NELL1: variants seen among roughly 807,000 people sequenced by gnomAD.
NELL1 encodes the protein protein kinase C-binding protein NELL1.
NELL1 carries 76 observed loss-of-function variants against 107.4 expected under a neutral mutation model. That is an observed-to-expected ratio of 0.71 (90% confidence interval 0.59 to 0.86). The LOEUF (loss-of-function observed/expected upper bound fraction) is 0.86. Among genes scored for constraint, NELL1 ranks in the 40% least tolerant of loss-of-function variants. The pLI is 0.00. For missense variants in NELL1, 1,024 were observed against 1,005.5 expected (o/e 1.02, Z -0.25); for synonymous variants, 353 against 341.2 (o/e 1.03, Z -0.38).
intron 2 of NELL1, among the ~76,000 whole-genome samples, chr11:20,683,880 A>G (rs1036412702): frequency 6.6e-6 from 1 of 151,988 alleles, no homozygotes; most frequent in Admixed American, 6.6e-5. Context: ...TGCTTTTAAG[A>G]CTTTCTCTTT....
chr11:21,023,833 CAT>C (rs937186017), intron 12 of NELL1, among the ~76,000 whole-genome samples: 1 of 152,076 alleles, frequency 6.6e-6, no homozygotes, highest in African/African-American at 2.4e-5. Flanking sequence ...AAAACAAATG[CAT>C]ATGTCTTTTG....
chr11:20,767,676 C>T lies in NELL1; in HGVS notation c.185-16004C>T, dbSNP rs143458748. Among the ~76,000 whole-genome samples the T allele has an allele frequency of 4.3e-4, 65 of 152,320 alleles. No individual in the cohort carries two copies. The Middle Eastern group carries it at 0.01, about 24-fold the overall frequency. ...TGACAGACACCCTGTCCTTGAGGGG[C>T]TATTGGCCTAGGTACAGTGAAGAGG... On this transcript the variant is annotated intron_variant, in intron 2 of 19. Transcript: ENST00000357134.
intron 14 of NELL1, among the ~76,000 whole-genome samples, chr11:21,319,975 T>C (rs191967783): frequency 6.6e-6 from 1 of 151,928 alleles, no homozygotes; most frequent in African/African-American, 2.4e-5. Flanking sequence ...TATAGGAGAG[T>C]ATGAAGGCTG....
intron 12 of NELL1, among the ~76,000 whole-genome samples, chr11:21,067,902 A>G (rs1411881719): frequency 6.6e-6 from 1 of 151,672 alleles, no homozygotes; most frequent in Non-Finnish European, 1.5e-5. Flanking sequence ...GTGTGGTGGC[A>G]CACACCTGCA....
At chr11:21,293,117 A>G (rs1471711425) in intron 14 of NELL1, among the ~76,000 whole-genome samples, 1 of 152,186 alleles carries the variant, frequency 6.6e-6, no homozygotes, top group Non-Finnish European at 1.5e-5. Context: ...CAGCATAAGA[A>G]ACTATCATCG....
intron 13 of NELL1, among the ~76,000 whole-genome samples, chr11:21,124,143 TAGAA>T (rs1855434673): frequency 6.6e-6 from 1 of 152,144 alleles, no homozygotes; most frequent in African/African-American, 2.4e-5. Context: ...AAATTTTCTG[TAGAA>T]AGAAATATAA....
At chr11:21,222,020 T>C (rs1857769497) in intron 13 of NELL1, among the ~76,000 whole-genome samples, 1 of 152,090 alleles carries the variant, frequency 6.6e-6, no homozygotes, top group African/African-American at 2.4e-5. Flanking sequence ...TATATTTCTG[T>C]AGTATTAGTT....
At chr11:20,750,755 T>G (rs977484725) in intron 2 of NELL1, among the ~76,000 whole-genome samples, 1 of 151,852 alleles carries the variant, frequency 6.6e-6, no homozygotes, top group African/African-American at 2.4e-5. Context: ...CCTGGCTAAT[T>G]TTTTGTATTT....
intron 14 of NELL1, among the ~76,000 whole-genome samples, chr11:21,324,618 T>C (rs1354817510): frequency 1.3e-5 from 2 of 152,064 alleles, no homozygotes; most frequent in Non-Finnish European, 2.9e-5. Context: ...GGCAGTATGA[T>C]GGGAATCTTA....
chr11:21,172,739 A>G (rs2133814303), intron 13 of NELL1, among the ~76,000 whole-genome samples: 2 of 151,852 alleles, frequency 1.3e-5, no homozygotes, highest in Middle Eastern at 6.8e-3. Flanking sequence ...CTCTATCTGC[A>G]TTTTCAGGAA....
At chr11:21,540,283 TTCTA>T (rs1365907982) in intron 16 of NELL1, among the ~76,000 whole-genome samples, 1 of 152,148 alleles carries the variant, frequency 6.6e-6, no homozygotes, top group Non-Finnish European at 1.5e-5. Context: ...AACTTACTCC[TTCTA>T]TCTAACTGTA....
chr11:21,110,350 A>G (rs1433675277), intron 12 of NELL1, among the ~76,000 whole-genome samples: 2 of 152,144 alleles, frequency 1.3e-5, no homozygotes, highest in African/African-American at 2.4e-5. Context: ...GGTTGGATTA[A>G]ATCCATGTAA....
At chr11:21,283,741 C>G (rs1849048082) in intron 14 of NELL1, 1 of 163,912 alleles carries the variant, frequency 6.1e-6, no homozygotes, top group Non-Finnish European at 1.3e-5. Flanking sequence ...AGAAAGAGCA[C>G]AGCTTTTCAC....
At chr11:20,867,204 A>G (rs1849111606) in intron 4 of NELL1, among the ~76,000 whole-genome samples, 1 of 152,190 alleles carries the variant, frequency 6.6e-6, no homozygotes, top group South Asian at 2.1e-4. Flanking sequence ...GAATGAACAG[A>G]GGTTTAAGAG....
intron 4 of NELL1, among the ~76,000 whole-genome samples, chr11:20,871,416 A>G (rs1388701458): frequency 6.6e-6 from 1 of 152,170 alleles, no homozygotes; most frequent in East Asian, 1.9e-4. Flanking sequence ...GAGGACAGGG[A>G]TATAATATTA....
At chr11:21,215,179 G>C (rs1031234746) in intron 13 of NELL1, among the ~76,000 whole-genome samples, 1 of 152,098 alleles carries the variant, frequency 6.6e-6, no homozygotes, top group African/African-American at 2.4e-5. Flanking sequence ...GCATTCTCAT[G>C]AGATCTGATG....
intron 13 of NELL1, among the ~76,000 whole-genome samples, chr11:21,131,498 T>G (rs2133757793): frequency 6.6e-6 from 1 of 152,204 alleles, no homozygotes; most frequent in Admixed American, 6.5e-5. Flanking sequence ...AGCAGGAGAT[T>G]TTTGGATTAT....
rs540599672 is a variant in NELL1, at chr11:21,562,812, C to T, written c.1980+2430C>T. Among the ~76,000 whole-genome samples, 6 of 152,124 alleles carry T rather than the reference C, an allele frequency of 3.9e-5. No individual in the cohort carries two copies. The South Asian group carries it at 1.2e-3, about 32-fold the overall frequency. ...TACACAAACCAACAAAAGGTCAAGA[C>T]TTACTGCTGAAGGAAATAGAGTTAA... On this transcript the variant is annotated intron_variant, in intron 17 of 19. Coordinates refer to ENST00000357134, the MANE Select transcript of NELL1 (RefSeq NM_006157.5).
chr11:20,908,108 T>C (rs1303778833), intron 5 of NELL1, among the ~76,000 whole-genome samples: 2 of 152,184 alleles, frequency 1.3e-5, no homozygotes, highest in Non-Finnish European at 2.9e-5. Context: ...TTGGTGGGAA[T>C]GTAAATTAGT....
Sources: allele counts gnomAD v4.1 joint callset (sites outside exome capture counted in the v4.1 genomes callset), GRCh38; gene constraint gnomAD v4.1.1; transcripts MANE v1.5; gene names NCBI Gene and HGNC (gene_info 2026-07-23, HGNC 2026-07-21).